Variants in ADK observed in about 807,000 individuals in gnomAD.
The protein encoded by ADK is N6,N6-dimethyladenosine kinase.
In ADK, 24 loss-of-function variants were observed where a neutral mutation model predicts 44.7. The observed-to-expected ratio is 0.54, with a 90% confidence interval of 0.39 to 0.76. The LOEUF (loss-of-function observed/expected upper bound fraction) is 0.76, where lower values mean the gene tolerates loss of function less well. Ranked by LOEUF, ADK falls within the 30% of genes least tolerant of loss-of-function variation. ADK has a pLI of 0.00. For synonymous variants in ADK, 128 were observed against 142.6 expected, an observed-to-expected ratio of 0.90 and a Z score of 0.73; for missense variants, 321 against 425.1, an observed-to-expected ratio of 0.76 and a Z score of 2.15.
At chr10:74,480,982 T>A (rs1455499267) in intron 6 of ADK, among the ~76,000 whole-genome samples, 1 of 152,206 alleles carries the variant, frequency 6.6e-6, no homozygotes, top group African/African-American at 2.4e-5. Flanking sequence ...TTTCTCTCTT[T>A]GTTATGTCTT....
intron 9 of ADK, among the ~76,000 whole-genome samples, chr10:74,657,223 AT>A (rs1854521291): frequency 1.3e-5 from 2 of 152,290 alleles, no homozygotes; most frequent in South Asian, 4.1e-4. Flanking sequence ...CTGAATCTAG[AT>A]TCATCAACTC....
rs117179477 is a variant in ADK at position 74,617,188 on chromosome 10, C to T, written c.877+16695C>T. ...TTTTTTCTTACTACACTAGTTAGCA[C>T]GGTAAGACATGTAGAATACAAGTAA... On this transcript the variant is annotated intron_variant, in intron 9 of 10. Transcript: ENST00000539909. Among the ~76,000 whole-genome samples the T allele has an allele frequency of 7.7e-3, 1,169 of 152,178 alleles. 48 individuals carry two copies. The highest frequency in any genetic ancestry group is 0.063 in the Admixed American group (958 of 15,292).
intron 3 of ADK, among the ~76,000 whole-genome samples, chr10:74,274,652 A>G (rs1489933709): frequency 1.3e-5 from 2 of 149,834 alleles, no homozygotes; most frequent in African/African-American, 2.5e-5. Flanking sequence ...TCATCTTCAT[A>G]TTGAGTAGGC....
At chr10:74,644,704 A>AT (rs1369387031) in intron 9 of ADK, among the ~76,000 whole-genome samples, 4 of 151,848 alleles carry the variant, frequency 2.6e-5, no homozygotes, top group African/African-American at 9.7e-5. Context: ...TAATTTTTTA[A>AT]TTTTTTTGTA....
intron 3 of ADK, among the ~76,000 whole-genome samples, chr10:74,283,847 A>AT (rs1349868389): frequency 1.3e-5 from 2 of 150,472 alleles, no homozygotes; most frequent in East Asian, 2.0e-4. Flanking sequence ...CGCCTGGCTA[A>AT]TTTTTTGTAT....
chr10:74,629,298 G>A (rs1423117034), intron 9 of ADK, among the ~76,000 whole-genome samples: 2 of 152,112 alleles, frequency 1.3e-5, no homozygotes, highest in South Asian at 2.1e-4. Context: ...CTGAGTCACT[G>A]GGATTGCAGG....
intron 6 of ADK, among the ~76,000 whole-genome samples, chr10:74,518,432 T>C (rs757715096): frequency 7.2e-5 from 11 of 152,224 alleles, no homozygotes; most frequent in Non-Finnish European, 1.3e-4. Context: ...TTTAGTTTGT[T>C]CCTTTTTGAG....
chr10:74,628,039 G>T lies in ADK; in HGVS notation c.877+27546G>T, dbSNP rs528144577. Among the ~76,000 whole-genome samples, 3 of 152,202 alleles carry T rather than the reference G, an allele frequency of 2.0e-5. No homozygotes were observed. In the East Asian group the frequency reaches 5.8e-4, roughly 29 times the overall value. ...GGTGGATCATAATGGGGATCATTAG[G>T]TTTCTTTGACAGGTGATATTAAGAA... On this transcript the variant is annotated intron_variant, in intron 9 of 10. Coordinates refer to ENST00000539909, the MANE Select transcript of ADK (RefSeq NM_006721.4).
chr10:74,440,740 A>T (rs1359985197), intron 6 of ADK, among the ~76,000 whole-genome samples: 4 of 152,168 alleles, frequency 2.6e-5, no homozygotes, highest in African/African-American at 9.6e-5. Flanking sequence ...AATTCAGCGC[A>T]TAATTGTATA....
chr10:74,519,300 A>C (rs1439419081), intron 6 of ADK, among the ~76,000 whole-genome samples: 1 of 152,012 alleles, frequency 6.6e-6, no homozygotes, highest in Non-Finnish European at 1.5e-5. Flanking sequence ...GAAATGCTTC[A>C]ATTTTTACAT....
chr10:74,179,666 G>A (rs1365294137), intron 1 of ADK, among the ~76,000 whole-genome samples: 2 of 152,164 alleles, frequency 1.3e-5, no homozygotes, highest in African/African-American at 4.8e-5. Context: ...CTTCAGTTCT[G>A]AGATATCAGA....
At chr10:74,477,688 C>T (rs1002130575) in intron 6 of ADK, among the ~76,000 whole-genome samples, 1 of 152,184 alleles carries the variant, frequency 6.6e-6, no homozygotes, top group Non-Finnish European at 1.5e-5. Flanking sequence ...TTCTTACCCT[C>T]ATAGTCTCAC....
chr10:74,672,197 C>T (rs561066472), intron 10 of ADK, among the ~76,000 whole-genome samples: 4 of 152,246 alleles, frequency 2.6e-5, no homozygotes, highest in African/African-American at 7.2e-5. Flanking sequence ...GATCCACAGT[C>T]GTCTTTTTTA....
intron 7 of ADK, among the ~76,000 whole-genome samples, chr10:74,529,997 C>A (rs1849218123): frequency 6.6e-6 from 1 of 152,012 alleles, no homozygotes; most frequent in Non-Finnish European, 1.5e-5. Context: ...GCATATAATT[C>A]AAATGCAAAT....
At chr10:74,547,821 G>T (rs1005481916) in intron 7 of ADK, among the ~76,000 whole-genome samples, 5 of 152,108 alleles carry the variant, frequency 3.3e-5, no homozygotes, top group African/African-American at 1.2e-4. Context: ...ACAACATCCG[G>T]CTAATTTTGT....
chr10:74,567,525 T>C (rs752987892), intron 7 of ADK, among the ~76,000 whole-genome samples: 2 of 152,160 alleles, frequency 1.3e-5, no homozygotes, highest in Non-Finnish European at 2.9e-5. Flanking sequence ...GCCAGGCAAA[T>C]GGACTACTTA....
chr10:74,434,351 G>A (rs1845110786), intron 6 of ADK, among the ~76,000 whole-genome samples: 1 of 152,118 alleles, frequency 6.6e-6, no homozygotes, highest in Non-Finnish European at 1.5e-5. Context: ...AGTCTGTAAT[G>A]AATGAAATAT....
In ADK at chr10:74,379,126, C is replaced by T. The variant is rs568249453; in HGVS notation, c.274-15015C>T. On this transcript the variant is annotated intron_variant, in intron 4 of 10. Coordinates refer to ENST00000539909, the MANE Select transcript of ADK (RefSeq NM_006721.4). ...GCTTTTTAGTGAGTGTTGTTGGAAGCATTACAGGGTTTTGAACAAAGGAAT... is the reference window on the plus strand; with the variant it reads ...GCTTTTTAGTGAGTGTTGTTGGAAGTATTACAGGGTTTTGAACAAAGGAAT... 2.0e-5 allele frequency among the ~76,000 whole-genome samples: 3 copies of T among 152,034 alleles called. No individual in the cohort carries two copies. In the South Asian group the frequency reaches 6.2e-4, roughly 32 times the overall value.
chr10:74,263,172 G>T (rs1467581107), intron 3 of ADK, among the ~76,000 whole-genome samples: 2 of 152,242 alleles, frequency 1.3e-5, no homozygotes, highest in Middle Eastern at 3.4e-3. Flanking sequence ...CTGCACAGGG[G>T]AATTGAATTT....
Sources: gnomAD v4.1 joint callset for allele counts (sites outside exome capture counted in the v4.1 genomes callset) on GRCh38, gnomAD v4.1.1 for gene constraint, MANE v1.5 for transcripts, NCBI Gene and HGNC (gene_info 2026-07-23, HGNC 2026-07-21) for gene names.